RASSF8: variants seen among roughly 807,000 people sequenced by gnomAD.
RASSF8 encodes the protein Ras association domain family member 8.
A neutral mutation model predicts 48.5 loss-of-function variants in RASSF8; 22 were observed. That is an observed-to-expected ratio of 0.45 (90% CI 0.32 to 0.65). RASSF8 has a LOEUF of 0.65. Among genes scored for constraint, RASSF8 ranks in the 30% least tolerant of loss-of-function variants. The pLI is 0.03. For synonymous variants in RASSF8, 127 were observed against 171.5 expected, an observed-to-expected ratio of 0.74 and a Z score of 2.03; for missense variants, 418 against 489.2, an observed-to-expected ratio of 0.85 and a Z score of 1.37.
At chr12:26,021,344 T>G (rs1942782893) in intron 2 of RASSF8, 1 of 152,194 alleles carries the variant, frequency 6.6e-6, no homozygotes, top group African/African-American at 2.4e-5. Context: ...CCTGCAAAAC[T>G]CACATGGAAA....
rs566439824 is a variant in RASSF8 at position 25,999,879 on chromosome 12, G to A, written c.-109+4749G>A. 3.9e-5 allele frequency among the ~76,000 whole-genome samples: 6 copies of A among 152,210 alleles called. No individual in the cohort carries two copies. The East Asian group carries it at 5.8e-4, about 15-fold the overall frequency. ...AAAAAATATGCCAGGGATTAAACTCGGTAAGAAATGCAATTGGCCTGTAGA... is the reference window on the plus strand; with the variant it reads ...AAAAAATATGCCAGGGATTAAACTCAGTAAGAAATGCAATTGGCCTGTAGA... On this transcript the variant is annotated intron_variant, in intron 2 of 5. Coordinates refer to ENST00000689635, the MANE Select transcript of RASSF8 (RefSeq NM_001394098.1).
intron 2 of RASSF8, among the ~76,000 whole-genome samples, chr12:25,998,885 G>A (rs557989974): frequency 3.9e-5 from 6 of 152,046 alleles, no homozygotes; most frequent in Non-Finnish European, 7.4e-5. Flanking sequence ...TCAGTTTACC[G>A]GGAAAATGTG....
chr12:26,040,063 G>A (rs188221634), intron 2 of RASSF8, among the ~76,000 whole-genome samples: 40 of 152,090 alleles, frequency 2.6e-4, no homozygotes, highest in Admixed American at 1.2e-3. Flanking sequence ...ATCTCTCAGC[G>A]CCATTTATTT....
At chr12:25,973,247 A>T (rs1565599415) in intron 1 of RASSF8, among the ~76,000 whole-genome samples, 2 of 151,958 alleles carry the variant, frequency 1.3e-5, no homozygotes, top group East Asian at 3.9e-4. Flanking sequence ...ATTTGTTAAA[A>T]TGCTTGGGTA....
chr12:26,055,035 A>G (rs1362922783), intron 2 of RASSF8, among the ~76,000 whole-genome samples: 1 of 152,240 alleles, frequency 6.6e-6, no homozygotes, highest in African/African-American at 2.4e-5. Context: ...TAAAATTATG[A>G]TAAAAATAGT....
chr12:25,994,976 GATTT>G (rs1269889185), intron 1 of RASSF8, 57 bp from the exon 2 acceptor site: 4 of 152,162 alleles, frequency 2.6e-5, no homozygotes, highest in African/African-American at 9.7e-5. Context: ...AAAATGGAAT[GATTT>G]AGTATTTTTA....
rs1453244572 is a variant in RASSF8, at chr12:26,065,027, A to G, written c.633A>G (p.Gln211=). The change falls in exon 4 of 6, where the codon CAA becomes CAG. Residue 211 remains glutamine, a synonymous_variant. Transcript: ENST00000689635. ...AAGAGGAAATTGTCCGTCTAGAGCA[A>G]AAGATCAAAAGAAACGATGTAGAAA... ...NLEEEIVRLE[Q]KIKRNDVEIE... 6.2e-7 allele frequency: 1 copy of G among 1,613,406 alleles called. No homozygotes were observed. Among genetic ancestry groups the G allele is most frequent in the East Asian group, 2.2e-5 (1 of 44,880 alleles).
downstream of RASSF8, among the ~76,000 whole-genome samples, chr12:26,076,915 C>G (rs1463034591): frequency 6.6e-6 from 1 of 152,230 alleles, no homozygotes; most frequent in African/African-American, 2.4e-5. Flanking sequence ...TCCACATCCT[C>G]TCCAGCATCT....
chr12:26,056,793 T>C (rs1943612304), intron 3 of RASSF8, among the ~76,000 whole-genome samples: 1 of 152,256 alleles, frequency 6.6e-6, no homozygotes, highest in Non-Finnish European at 1.5e-5. Flanking sequence ...GAGAATCTTA[T>C]ATATGTAGAC....
chr12:26,046,833 T>G (rs962483371), intron 2 of RASSF8, among the ~76,000 whole-genome samples: 2 of 147,860 alleles, frequency 1.4e-5, no homozygotes, highest in African/African-American at 2.4e-5. Flanking sequence ...ATCACAGATA[T>G]AGTTATACTT....
At chr12:26,065,505 T>A in intron 4 of RASSF8, 118 bp downstream of exon 4, 1 of 1,333,486 alleles carries the variant, frequency 7.5e-7, no homozygotes, top group Non-Finnish European at 1.0e-6. Flanking sequence ...CCCAGCCTTG[T>A]TTAAAACTTT....
chr12:25,968,412 G>C, intron 1 of RASSF8, among the ~76,000 whole-genome samples: 1 of 151,994 alleles, frequency 6.6e-6, no homozygotes, highest in East Asian at 1.9e-4. Context: ...GCACGATCTC[G>C]GCTCACTGCA....
intron 1 of RASSF8, among the ~76,000 whole-genome samples, chr12:25,970,966 G>C (rs1475901313): frequency 6.6e-6 from 1 of 152,142 alleles, no homozygotes; most frequent in Non-Finnish European, 1.5e-5. Flanking sequence ...ACTCCCTTAG[G>C]AGGTGATCGT....
At chr12:26,015,496 G>T (rs1159193118) in intron 2 of RASSF8, among the ~76,000 whole-genome samples, 3 of 152,112 alleles carry the variant, frequency 2.0e-5, no homozygotes, top group African/African-American at 7.2e-5. Context: ...ATATTTTTCC[G>T]TTGATAGGCC....
chr12:26,056,661 CAG>C (rs1943609601), intron 3 of RASSF8, among the ~76,000 whole-genome samples: 1 of 152,244 alleles, frequency 6.6e-6, no homozygotes, highest in Non-Finnish European at 1.5e-5. Flanking sequence ...CTATACAAGA[CAG>C]AGACTTTCTG....
intron 2 of RASSF8, among the ~76,000 whole-genome samples, chr12:26,031,540 G>A (rs1943030701): frequency 6.6e-6 from 1 of 152,194 alleles, no homozygotes; most frequent in Non-Finnish European, 1.5e-5. Context: ...TGGTGGCAGT[G>A]TGCCAGGTGG....
intron 2 of RASSF8, among the ~76,000 whole-genome samples, chr12:26,026,433 T>G (rs1358893116): frequency 6.6e-6 from 1 of 151,782 alleles, no homozygotes; most frequent in East Asian, 1.9e-4. Flanking sequence ...GTAATATTAG[T>G]TAGTTTATTT....
intron 2 of RASSF8, among the ~76,000 whole-genome samples, chr12:26,022,867 G>A (rs574390156): frequency 1.8e-4 from 27 of 152,086 alleles, no homozygotes; most frequent in Middle Eastern, 3.4e-3. Flanking sequence ...TCAGCCTCCC[G>A]AGTAGCTGGG....
chr12:26,031,898 G>A (rs1439386423), intron 2 of RASSF8, among the ~76,000 whole-genome samples: 3 of 152,070 alleles, frequency 2.0e-5, no homozygotes, highest in Admixed American at 1.3e-4. Context: ...TATATGTTTT[G>A]CTTATAAATA....
Sources: gnomAD v4.1 joint callset for allele counts (sites outside exome capture counted in the v4.1 genomes callset) on GRCh38, gnomAD v4.1.1 for gene constraint, MANE v1.5 for transcripts, NCBI Gene and HGNC (gene_info 2026-07-23, HGNC 2026-07-21) for gene names.